COG5: variants seen among roughly 807,000 people sequenced by gnomAD.
COG5 encodes conserved oligomeric Golgi complex subunit 5.
A neutral mutation model predicts 110.4 loss-of-function variants in COG5; 86 were observed. The observed-to-expected ratio is 0.78, with a 90% CI of 0.65 to 0.93. The LOEUF is 0.93. Among genes scored for constraint, COG5 ranks in the 40% least tolerant of loss-of-function variants. The pLI is 0.00. For missense variants in COG5, 1,077 were observed against 987.0 expected, an observed-to-expected ratio of 1.09 and a Z score of -1.22; for synonymous variants, 360 against 334.6, an observed-to-expected ratio of 1.08 and a Z score of -0.83.
At chr7:107,419,360 A>G (rs1369090000) in intron 6 of COG5, among the ~76,000 whole-genome samples, 1 of 152,092 alleles carries the variant, frequency 6.6e-6, no homozygotes, top group East Asian at 1.9e-4. Context: ...AATTTAAACA[A>G]AATTAATGAA....
intron 6 of COG5, among the ~76,000 whole-genome samples, chr7:107,432,956 A>C (rs560613390): frequency 3.3e-5 from 5 of 152,290 alleles, no homozygotes; most frequent in African/African-American, 1.2e-4. Flanking sequence ...CCAAAAAAAA[A>C]CTGTAAAAAT....
rs557102296 is a variant in COG5 at position 107,294,930 on chromosome 7, T to C, written c.1313+3212A>G. Among the ~76,000 whole-genome samples, 332 of 100,958 alleles carry C rather than the reference T, an allele frequency of 3.3e-3. 1 individual carries two copies. The highest frequency in any genetic ancestry group is 4.7e-3 in the East Asian group (15 of 3,214). The allele number at this position is 100,958 out of a possible 152,430, so 66.2% of individuals were successfully genotyped here. A position where few individuals can be genotyped will look rare whatever the true frequency, so the allele number is the denominator to read the frequency against. On this transcript the variant is annotated intron_variant, in intron 12 of 21. Coordinates refer to ENST00000297135, the MANE Select transcript of COG5 (RefSeq NM_006348.5). Reference sequence around the variant, plus strand: ...GTGTGTGTGTGTGTGTGTGTATATATACACACACACACACACACACATATA... The same window carrying C: ...GTGTGTGTGTGTGTGTGTGTATATACACACACACACACACACACACATATA...
At chr7:107,399,811 A>G (rs1282101697) in intron 7 of COG5, among the ~76,000 whole-genome samples, 1 of 152,216 alleles carries the variant, frequency 6.6e-6, no homozygotes, top group African/African-American at 2.4e-5. Flanking sequence ...AAGCAGTTAA[A>G]AAGTTTGTCA....
intron 19 of COG5, among the ~76,000 whole-genome samples, chr7:107,212,408 A>G (rs2116216399): frequency 6.6e-6 from 1 of 152,354 alleles, no homozygotes; most frequent in African/African-American, 2.4e-5. Flanking sequence ...GCAAGGTCCA[A>G]ATAATTTCAC....
chr7:107,507,515 G>A (rs1799116555), intron 6 of COG5, among the ~76,000 whole-genome samples: 1 of 144,062 alleles, frequency 6.9e-6, no homozygotes. Context: ...CACCATATTA[G>A]CCACGATGGT....
At chr7:107,319,669 A>G (rs1429744702) in intron 11 of COG5, among the ~76,000 whole-genome samples, 1 of 152,232 alleles carries the variant, frequency 6.6e-6, no homozygotes, top group Non-Finnish European at 1.5e-5. Context: ...CTTTCCATGT[A>G]GGGAAGTAAA....
intron 1 of COG5, among the ~76,000 whole-genome samples, chr7:107,562,675 G>T (rs566746245): frequency 6.6e-6 from 1 of 152,296 alleles, no homozygotes; most frequent in Non-Finnish European, 1.5e-5. Flanking sequence ...CCCGGTCCTA[G>T]AGTTTCCAAC....
intron 12 of COG5, among the ~76,000 whole-genome samples, chr7:107,286,707 T>C (rs1423975736): frequency 6.6e-6 from 1 of 152,208 alleles, no homozygotes; most frequent in Non-Finnish European, 1.5e-5. Flanking sequence ...AACGTGGCAC[T>C]TCTCTTGTTT....
chr7:107,382,393 G>A (rs559519836), intron 7 of COG5, among the ~76,000 whole-genome samples: 2 of 152,150 alleles, frequency 1.3e-5, no homozygotes, highest in Non-Finnish European at 2.9e-5. Context: ...TGCACTTTAT[G>A]CAAATAACCA....
intron 11 of COG5, among the ~76,000 whole-genome samples, chr7:107,316,657 CAAA>C (rs760555445): frequency 3.2e-4 from 24 of 75,904 alleles, no homozygotes; most frequent in East Asian, 3.8e-4. Flanking sequence ...ACTAAAAATA[CAAA>C]AAAAAAAAAA....
intron 6 of COG5, among the ~76,000 whole-genome samples, chr7:107,413,648 A>G (rs980594703): frequency 3.3e-5 from 5 of 152,106 alleles, no homozygotes; most frequent in Admixed American, 2.6e-4. Context: ...CATTTATCTG[A>G]TGCATACAAT....
intron 12 of COG5, among the ~76,000 whole-genome samples, chr7:107,286,832 C>A (rs1049208486): frequency 2.0e-5 from 3 of 152,072 alleles, no homozygotes; most frequent in African/African-American, 4.8e-5. Flanking sequence ...TAATCTATCT[C>A]TTCTTATCCC....
rs114156727 is a variant in COG5 at position 107,438,984 on chromosome 7, T to C, written c.539-26352A>G. Reference sequence around the variant, plus strand: ...TTCAGGCTCTTCTCCCTCCACCCTCTTCAAAACTCCAGCTTTGAATCTCAT... The same window carrying C: ...TTCAGGCTCTTCTCCCTCCACCCTCCTCAAAACTCCAGCTTTGAATCTCAT... On this transcript the variant is annotated intron_variant, in intron 6 of 21. Transcript: ENST00000297135. Among the ~76,000 whole-genome samples the C allele has an allele frequency of 1.2e-3, 189 of 152,230 alleles. 2 individuals carry two copies. Among genetic ancestry groups the C allele is most frequent in the African/African-American group, 4.3e-3 (180 of 41,540 alleles).
chr7:107,343,260 G>A (rs1245017508), intron 10 of COG5, among the ~76,000 whole-genome samples: 1 of 152,072 alleles, frequency 6.6e-6, no homozygotes, highest in Non-Finnish European at 1.5e-5. Flanking sequence ...AAACTGTTGG[G>A]TTCTATGCTC....
chr7:107,210,246 T>C (rs1312640350), intron 21 of COG5: 23 of 1,281,820 alleles, frequency 1.8e-5, no homozygotes, highest in Non-Finnish European at 2.2e-5. Flanking sequence ...AAATGATGAT[T>C]TTCAAAGGTA....
rs115258349 is a variant in COG5, at chr7:107,559,361, A to G, written c.95-1246T>C. 4.4e-3 allele frequency among the ~76,000 whole-genome samples: 675 copies of G among 152,342 alleles called. 3 individuals are homozygous for G. The highest frequency in any genetic ancestry group is 0.016 in the African/African-American group (646 of 41,576). On this transcript the variant is annotated intron_variant, in intron 1 of 21. Transcript: ENST00000297135. ...TGGTAACCATGTACCAAATCTCCTAATGATACAGTAGATACAAGTAAAGCT... is the reference window on the plus strand; with the variant it reads ...TGGTAACCATGTACCAAATCTCCTAGTGATACAGTAGATACAAGTAAAGCT...
chr7:107,303,114 G>C (rs984249790), intron 11 of COG5, among the ~76,000 whole-genome samples: 32 of 151,718 alleles, frequency 2.1e-4, no homozygotes, highest in African/African-American at 7.5e-4. Context: ...TTTTTTCTTA[G>C]AGATGAGGTC....
At chr7:107,376,369 A>G (rs941172328) in intron 7 of COG5, among the ~76,000 whole-genome samples, 9 of 152,030 alleles carry the variant, frequency 5.9e-5, no homozygotes, top group Non-Finnish European at 1.3e-4. Flanking sequence ...ATAAAATTAG[A>G]AATAATGGAT....
At chr7:107,508,071 A>C (rs1346374934) in intron 6 of COG5, among the ~76,000 whole-genome samples, 1 of 152,274 alleles carries the variant, frequency 6.6e-6, no homozygotes, top group Non-Finnish European at 1.5e-5. Flanking sequence ...GAGCCGAAGC[A>C]GGGCGAGGCA....
Sources: allele counts gnomAD v4.1 joint callset (sites outside exome capture counted in the v4.1 genomes callset), GRCh38; gene constraint gnomAD v4.1.1; transcripts MANE v1.5; gene names NCBI Gene and HGNC (gene_info 2026-07-23, HGNC 2026-07-21).